Variants in TGIF1 observed in about 807,000 individuals in gnomAD.
TGIF1 encodes the protein TGFB induced factor homeobox 1.
TGIF1 carries 4 observed loss-of-function variants against 19.3 expected under a neutral mutation model. The observed-to-expected ratio is 0.21, with a 90% CI of 0.10 to 0.47. TGIF1 has a LOEUF of 0.47. Ranked by LOEUF, TGIF1 falls within the 20% of genes least tolerant of loss-of-function variation. TGIF1 has a pLI of 0.98. For synonymous variants in TGIF1, 122 were observed against 129.3 expected (o/e 0.94, Z 0.38); for missense variants, 275 against 341.4 (o/e 0.81, Z 1.53).
intron 2 of TGIF1, among the ~76,000 whole-genome samples, chr18:3,423,894 T>C (rs1239855235): frequency 6.6e-6 from 1 of 152,078 alleles, no homozygotes; most frequent in Non-Finnish European, 1.5e-5. Context: ...TGCCCTCGTT[T>C]CTTCCTCTCT....
Position 3,459,796 on chromosome 18 carries a change from AG to A in TGIF1, c.*1858del, listed in dbSNP as rs1200195514. On this transcript the variant is annotated 3_prime_UTR_variant, in exon 3 of 3. Coordinates refer to ENST00000343820, the MANE Select transcript of TGIF1 (RefSeq NM_003244.4). ...GTTTTACTTCATTTTTTCCCTATTG[AG>A]GTTGTTACAGGTCATGGTTGATAAT... 1 of 152,180 alleles carries A rather than the reference AG, an allele frequency of 6.6e-6. No homozygotes were observed. The highest frequency in any genetic ancestry group is 1.5e-5 in the Non-Finnish European group (1 of 68,022). 9.4% of individuals were successfully genotyped at this position (152,180 alleles called of 1,614,324 possible). A position where few individuals can be genotyped will look rare whatever the true frequency, so the allele number is the denominator to read the frequency against.
chr18:3,452,457 G>A (rs1270840667), intron 1 of TGIF1: 2 of 1,601,330 alleles, frequency 1.2e-6, no homozygotes, highest in Non-Finnish European at 1.7e-6. Context: ...AGGTTACCCG[G>A]GTTTCTTTCC....
chr18:3,430,939 AT>A, intron 2 of TGIF1, among the ~76,000 whole-genome samples: 1 of 152,170 alleles, frequency 6.6e-6, no homozygotes, highest in East Asian at 1.9e-4. Context: ...CTTACTACTT[AT>A]TGTATAATAA....
At chr18:3,413,680 G>A (rs1474063953) in intron 1 of TGIF1, among the ~76,000 whole-genome samples, 1 of 151,914 alleles carries the variant, frequency 6.6e-6, no homozygotes, top group Non-Finnish European at 1.5e-5. Context: ...GACCAGCGTG[G>A]GCAACACAGG....
chr18:3,413,949 C>A (rs1245824954), intron 1 of TGIF1, among the ~76,000 whole-genome samples: 2 of 152,162 alleles, frequency 1.3e-5, no homozygotes, highest in Non-Finnish European at 2.9e-5. Context: ...CTCAGCAAAT[C>A]TTCACAATAA....
intron 1 of TGIF1, among the ~76,000 whole-genome samples, chr18:3,414,025 A>G (rs7229555): frequency 0.77 from 117,730 of 151,974 alleles, 45,744 homozygotes; most frequent in Admixed American, 0.82. Context: ...GTGAGATGAC[A>G]TAATTTGCCT....
At chr18:3,444,743 A>T (rs556485792) in intron 2 of TGIF1, among the ~76,000 whole-genome samples, 4 of 152,312 alleles carry the variant, frequency 2.6e-5, no homozygotes, top group East Asian at 1.9e-4. Context: ...AAAATTTTTT[A>T]AAAATAAAAA....
At chr18:3,431,221 C>T (rs1189773528) in intron 2 of TGIF1, among the ~76,000 whole-genome samples, 4 of 152,106 alleles carry the variant, frequency 2.6e-5, no homozygotes, top group East Asian at 1.9e-4. Context: ...CCGAGGCAGG[C>T]GGATAACCTG....
chr18:3,423,631 A>C (rs1451552464), intron 2 of TGIF1, among the ~76,000 whole-genome samples: 1 of 151,994 alleles, frequency 6.6e-6, no homozygotes, highest in Non-Finnish European at 1.5e-5. Flanking sequence ...TGCAGTGAGC[A>C]GAGATCGCGC....
chr18:3,447,376 G>A (rs1215342504), upstream of TGIF1, among the ~76,000 whole-genome samples: 2 of 146,586 alleles, frequency 1.4e-5, no homozygotes, highest in Non-Finnish European at 3.0e-5. Context: ...AATCTTAAAA[G>A]TCATTGAATC....
intron 2 of TGIF1, among the ~76,000 whole-genome samples, chr18:3,425,384 A>C (rs944326157): frequency 2.0e-5 from 3 of 152,230 alleles, no homozygotes; most frequent in Admixed American, 6.5e-5. Context: ...TCATGAAGTT[A>C]GGAGGATGAG....
chr18:3,449,110 T>C (rs553902897), upstream of TGIF1, among the ~76,000 whole-genome samples: 10 of 152,252 alleles, frequency 6.6e-5, no homozygotes, highest in African/African-American at 2.2e-4. Context: ...CATCTGGTCT[T>C]TGAAAGCGCA....
At chr18:3,420,193 C>T (rs892038057) in intron 2 of TGIF1, among the ~76,000 whole-genome samples, 5 of 151,740 alleles carry the variant, frequency 3.3e-5, no homozygotes, top group Non-Finnish European at 7.4e-5. Flanking sequence ...CCATCCTGGC[C>T]AACATGATGA....
chr18:3,415,471 A>G (rs12964060), intron 1 of TGIF1: 28,372 of 488,220 alleles, frequency 0.058, 1,719 homozygotes, highest in African/African-American at 0.22. Context: ...CAGGCCACCA[A>G]CGGAAGGAGC....
intron 2 of TGIF1, among the ~76,000 whole-genome samples, chr18:3,425,395 AG>A (rs941109173): frequency 6.6e-6 from 1 of 152,214 alleles, no homozygotes; most frequent in African/African-American, 2.4e-5. Context: ...GGAGGATGAG[AG>A]GGGCCTGAAT....
At chr18:3,448,069 C>T, upstream of TGIF1, 1 of 946,150 alleles carries the variant, frequency 1.1e-6, no homozygotes, top group East Asian at 1.2e-4. Flanking sequence ...CTGGCTAAAG[C>T]GGGCGGGGGG....
At chr18:3,448,715 G>GTTTTTTTTTTTT (rs2082800740), upstream of TGIF1, 2 of 429,364 alleles carry the variant, frequency 4.7e-6, no homozygotes, top group African/African-American at 8.9e-5. Flanking sequence ...GGGCGGGGGT[G>GTTTTTTTTTTTT]TCTTTTTTTT....
rs1470401157 is a variant in TGIF1 at position 3,451,902 on chromosome 18, G to GA, written c.16+1398dup. The GA allele has an allele frequency of 2.1e-5, 31 of 1,499,544 alleles. No homozygotes were observed. Among genetic ancestry groups the GA allele is most frequent in the Non-Finnish European group, 2.8e-5 (31 of 1,125,446 alleles). The allele number at this position is 1,499,544 out of a possible 1,614,324, so 92.9% of individuals were successfully genotyped here. A position where few individuals can be genotyped will look rare whatever the true frequency, so the allele number is the denominator to read the frequency against. ...TGAAAGCCGTGCCGACCCTTGGGAGGACTGACAGGTCTAGAGACACGCGCT... is the reference window on the plus strand; with the variant it reads ...TGAAAGCCGTGCCGACCCTTGGGAGGAACTGACAGGTCTAGAGACACGCGCT... On this transcript the variant is annotated intron_variant, in intron 1 of 2. Transcript: ENST00000343820. This position sits in a 1 kb window ranked among gnomAD's most constrained non-coding sequence, Gnocchi z 5.4.
intron 2 of TGIF1, among the ~76,000 whole-genome samples, chr18:3,431,414 C>T (rs1376232285): frequency 2.0e-5 from 3 of 151,500 alleles, no homozygotes; most frequent in East Asian, 1.9e-4. Context: ...CCAGTCTGGG[C>T]GACAGGAGCG....
Sources: gnomAD v4.1 joint callset for allele counts (sites outside exome capture counted in the v4.1 genomes callset) on GRCh38, gnomAD v4.1.1 for gene constraint, Gnocchi (gnomAD v3.1) non-coding constraint, MANE v1.5 for transcripts, NCBI Gene and HGNC (gene_info 2026-07-23, HGNC 2026-07-21) for gene names.